Variants in HSD17B2 observed in about 807,000 individuals in gnomAD.
HSD17B2 encodes 17-beta-hydroxysteroid dehydrogenase type 2.
Under a neutral mutation model 26.9 loss-of-function variants are expected in HSD17B2, and 32 were observed. That is an observed-to-expected ratio of 1.19 (90% confidence interval 0.90 to 1.60). The LOEUF (loss-of-function observed/expected upper bound fraction) is 1.60, where lower values mean the gene tolerates loss of function less well. Ranked by LOEUF, HSD17B2 falls within the 40% of genes most tolerant of loss-of-function variation. The pLI is 0.00. For synonymous variants in HSD17B2, 246 were observed against 186.7 expected, an observed-to-expected ratio of 1.32 and a Z score of -2.59; for missense variants, 613 against 468.6, an observed-to-expected ratio of 1.31 and a Z score of -2.85.
intron 1 of HSD17B2, among the ~76,000 whole-genome samples, chr16:82,052,000 A>C (rs1042357723): frequency 2.0e-5 from 3 of 152,238 alleles, no homozygotes; most frequent in Non-Finnish European, 4.4e-5. Context: ...ACCATCACCA[A>C]GGATAGGATC....
chr16:82,066,465 T>C (rs1914575236), intron 1 of HSD17B2, among the ~76,000 whole-genome samples: 1 of 152,190 alleles, frequency 6.6e-6, no homozygotes, highest in East Asian at 1.9e-4. Context: ...CACCTTTTTC[T>C]ACACTTAGAG....
chr16:82,070,180 T>G (rs1914665741), intron 2 of HSD17B2, among the ~76,000 whole-genome samples: 1 of 152,182 alleles, frequency 6.6e-6, no homozygotes, highest in Non-Finnish European at 1.5e-5. Context: ...TTTGCTCTCC[T>G]GCATCCCACA....
At chr16:82,073,326 G>A (rs963356617) in intron 3 of HSD17B2, among the ~76,000 whole-genome samples, 1 of 151,790 alleles carries the variant, frequency 6.6e-6, no homozygotes, top group Admixed American at 6.6e-5. Flanking sequence ...CCGGGTTCAC[G>A]CCATTCTCCT....
intron 3 of HSD17B2, among the ~76,000 whole-genome samples, chr16:82,078,992 A>G (rs1477467738): frequency 1.3e-5 from 2 of 152,214 alleles, no homozygotes; most frequent in African/African-American, 4.8e-5. Flanking sequence ...GTCAATAATA[A>G]TTTAATTGTG....
At chr16:82,090,867 T>C (rs372135175) in intron 3 of HSD17B2, 35 bp from the exon 4 acceptor site, 342 of 1,571,820 alleles carry the variant, frequency 2.2e-4, no homozygotes, top group Non-Finnish European at 2.4e-4. Context: ...TGAACATTTC[T>C]AACTTTGCTT....
chr16:82,098,290 C>T lies in HSD17B2; in HGVS notation c.1018C>T (p.Pro340Ser). 1 of 1,614,192 alleles carries T rather than the reference C, an allele frequency of 6.2e-7. No homozygotes were observed. The highest frequency in any genetic ancestry group is 1.1e-5 in the South Asian group (1 of 91,082). ...GAAGAGCCCTTTTGCCTATTACACG[C>T]CAGGGAAAGGCGCTTACTTGTGGAT... ...LAKSPFAYYT[P>S]GKGAYLWICL... Residue 340 changes from proline (P) to serine (S), a missense_variant, in exon 5 of 5, where the codon CCA (proline) becomes TCA (serine). Coordinates refer to ENST00000199936, the MANE Select transcript of HSD17B2 (RefSeq NM_002153.3).
intron 3 of HSD17B2, among the ~76,000 whole-genome samples, chr16:82,084,565 T>A (rs549038760): frequency 2.0e-5 from 3 of 152,018 alleles, no homozygotes; most frequent in Admixed American, 6.6e-5. Context: ...TTATTTTTTT[T>A]ATTTTTTTAC....
At chr16:82,093,268 T>C (rs142058494) in intron 4 of HSD17B2, 1 of 152,360 alleles carries the variant, frequency 6.6e-6, no homozygotes, top group African/African-American at 2.4e-5. Flanking sequence ...CTTTTTGTAA[T>C]GATCATTTAT....
chr16:82,058,074 T>C (rs34184569), intron 1 of HSD17B2, among the ~76,000 whole-genome samples: 3 of 149,980 alleles, frequency 2.0e-5, no homozygotes, highest in Non-Finnish European at 4.5e-5. Flanking sequence ...GTTGTTAATT[T>C]TTTTTTTTTT....
intron 3 of HSD17B2, among the ~76,000 whole-genome samples, chr16:82,086,938 C>T (rs1452650343): frequency 6.6e-6 from 1 of 152,190 alleles, no homozygotes; most frequent in Non-Finnish European, 1.5e-5. Flanking sequence ...GGTGCATGTT[C>T]AAGGAGAGAG....
Position 82,071,060 on chromosome 16 carries a change from C to T in HSD17B2, c.597C>T (p.Val199=), listed in dbSNP as rs747674695. ...MAVNFFGTVE[V]TKTFLPLLRK... is the part of the protein sequence containing the mutation. ...TGAACTTCTTTGGAACTGTGGAGGTCACAAAGACGTTTTTGCCTCTTCTTA... is the reference window on the plus strand; with the variant it reads ...TGAACTTCTTTGGAACTGTGGAGGTTACAAAGACGTTTTTGCCTCTTCTTA... The change falls in exon 3 of 5, where the codon GTC becomes GTT. Residue 199 remains valine (V), a synonymous_variant. Coordinates refer to ENST00000199936, the MANE Select transcript of HSD17B2 (RefSeq NM_002153.3). 11 of 1,614,014 alleles carry T rather than the reference C, an allele frequency of 6.8e-6. No homozygotes were observed. Among genetic ancestry groups the T allele is most frequent in the African/African-American group, 4.0e-5 (3 of 74,914 alleles).
At chr16:82,079,564 T>C (rs1485604549) in intron 3 of HSD17B2, among the ~76,000 whole-genome samples, 2 of 152,206 alleles carry the variant, frequency 1.3e-5, no homozygotes, top group African/African-American at 4.8e-5. Context: ...TCCAAGATAC[T>C]GGAGGTTAGT....
At chr16:82,054,252 T>C (rs1914198324) in intron 1 of HSD17B2, among the ~76,000 whole-genome samples, 2 of 149,852 alleles carry the variant, frequency 1.3e-5, no homozygotes, top group Non-Finnish European at 3.0e-5. Flanking sequence ...GCCATGCACA[T>C]AGATCAGATG....
intron 1 of HSD17B2, among the ~76,000 whole-genome samples, chr16:82,054,324 A>G (rs1914200277): frequency 6.6e-6 from 1 of 152,124 alleles, no homozygotes; most frequent in Non-Finnish European, 1.5e-5. Flanking sequence ...TGTAAATATT[A>G]GACTGCCCCA....
chr16:82,054,187 C>T (rs1056766905), intron 1 of HSD17B2, among the ~76,000 whole-genome samples: 49 of 146,694 alleles, frequency 3.3e-4, no homozygotes, highest in African/African-American at 1.2e-3. Flanking sequence ...TCCTTAATCA[C>T]TTAACCTTAA....
intron 1 of HSD17B2, among the ~76,000 whole-genome samples, chr16:82,057,451 C>A (rs551768326): frequency 4.5e-4 from 69 of 152,334 alleles, no homozygotes; most frequent in African/African-American, 1.6e-3. Flanking sequence ...CCCGCTTCGG[C>A]CTCCCAAAGT....
intron 1 of HSD17B2, among the ~76,000 whole-genome samples, chr16:82,046,489 G>C (rs1205441911): frequency 6.6e-6 from 1 of 152,122 alleles, no homozygotes; most frequent in Admixed American, 6.5e-5. Flanking sequence ...TTGGGAGGCT[G>C]ACACAGGCAG....
chr16:82,035,818 G>C, intron 1 of HSD17B2, 129 bp downstream of exon 1: 1 of 993,540 alleles, frequency 1.0e-6, no homozygotes, highest in Non-Finnish European at 1.5e-6. Flanking sequence ...CCTCACCCAA[G>C]TATTTTTCAT....
chr16:82,052,912 C>T (rs1438560213), intron 1 of HSD17B2, among the ~76,000 whole-genome samples: 4 of 152,154 alleles, frequency 2.6e-5, no homozygotes, highest in East Asian at 3.9e-4. Flanking sequence ...TTTCTTTCTG[C>T]ATCATAACAT....
Sources: gnomAD v4.1 joint callset for allele counts (sites outside exome capture counted in the v4.1 genomes callset) on GRCh38, gnomAD v4.1.1 for gene constraint, MANE v1.5 for transcripts, NCBI Gene and HGNC (gene_info 2026-07-23, HGNC 2026-07-21) for gene names.